LSP1: variants seen among roughly 807,000 people sequenced by gnomAD.
LSP1 encodes lymphocyte specific protein 1, also known as lymphocyte-specific protein 1.
In LSP1, 32 loss-of-function variants were observed where a neutral mutation model predicts 49.3. That is an observed-to-expected ratio of 0.65 (90% CI 0.49 to 0.87). LSP1 has a LOEUF of 0.87. Among genes scored for constraint, LSP1 ranks in the 40% least tolerant of loss-of-function variants. LSP1 has a pLI of 0.00. For missense variants in LSP1, 428 were observed against 442.6 expected (o/e 0.97, Z 0.30); for synonymous variants, 179 against 178.8 (o/e 1.00, Z -0.01).
At chr11:1,891,084 T>G in intron 10 of LSP1, 1 of 157,692 alleles carries the variant, frequency 6.3e-6, no homozygotes, top group Admixed American at 6.0e-5. Context: ...GCGCGTCCGC[T>G]GCGAGCCAGC....
intron 1 of LSP1, 57 bp downstream of exon 1, chr11:1,853,254 T>C (rs1847405921): frequency 1.3e-6 from 2 of 1,553,886 alleles, no homozygotes; most frequent in South Asian, 1.2e-5. Flanking sequence ...TGCATAGTCC[T>C]TGAGCTGCAT....
chr11:1,868,529 C>T (rs1589812511), intron 1 of LSP1: 5 of 468,432 alleles, frequency 1.1e-5, no homozygotes, highest in Non-Finnish European at 1.4e-5. Flanking sequence ...GCCAGTGGGG[C>T]AGGAATGGGC....
intron 1 of LSP1, among the ~76,000 whole-genome samples, chr11:1,861,741 T>G (rs1441397516): frequency 0.034 from 1,811 of 53,852 alleles, no homozygotes; most frequent in South Asian, 0.047. Flanking sequence ...ATGGATGGAT[T>G]GGTGGATGAG....
At chr11:1,870,635 T>C (rs992437071) in intron 1 of LSP1, 40 of 1,091,162 alleles carry the variant, frequency 3.7e-5, no homozygotes, top group Non-Finnish European at 4.5e-5. Context: ...TCCTTCTCTC[T>C]GGGTGCCGGC....
At position 1,878,473 on chromosome 11, in the gene LSP1, TCGGGGGCG is replaced by T. The variant is rs140845051; in HGVS notation, c.54-1607_54-1600del. Reference sequence around the variant, plus strand: ...TGAGGAGCAGGACAGGCAGGCGGATTCGGGGGCGCGGGGGGCGGGGTGCACAGGCGGCT... The same window carrying T: ...TGAGGAGCAGGACAGGCAGGCGGATTCGGGGGGCGGGGTGCACAGGCGGCT... On this transcript the variant is annotated intron_variant, in intron 1 of 10. Coordinates refer to ENST00000311604, the MANE Select transcript of LSP1 (RefSeq NM_002339.3). Among the ~76,000 whole-genome samples, 1,190 of 149,734 alleles carry T rather than the reference TCGGGGGCG, an allele frequency of 7.9e-3. 9 individuals are homozygous for T. The highest frequency in any genetic ancestry group is 0.013 in the Non-Finnish European group (882 of 67,142).
intron 2 of LSP1, 63 bp downstream of exon 2, chr11:1,880,287 C>A: frequency 6.8e-7 from 1 of 1,465,264 alleles, no homozygotes; most frequent in Admixed American, 2.6e-5. Flanking sequence ...GGGGCCTGGG[C>A]AGAGGGGGAG....
intron 10 of LSP1, chr11:1,889,548 T>C: frequency 1.6e-6 from 1 of 613,342 alleles, no homozygotes; most frequent in South Asian, 1.9e-5. Flanking sequence ...CAGCAGCTGC[T>C]TCTTGAGCCA....
intron 1 of LSP1, among the ~76,000 whole-genome samples, chr11:1,858,228 G>T (rs532572250): frequency 1.3e-5 from 2 of 152,160 alleles, no homozygotes; most frequent in East Asian, 1.9e-4. Context: ...TGTGGGGTTC[G>T]GGTGCTGAGG....
chr11:1,853,120 C>A lies in LSP1; in HGVS notation c.-25C>A. ...ACCCACTCCAGGGATCTGCCAGCAC[C>A]CTGTGGGGCCCAGACTACAGGCTGA... On this transcript the variant is annotated 5_prime_UTR_variant, in exon 1 of 11. Coordinates refer to ENST00000311604, the MANE Select transcript of LSP1 (RefSeq NM_002339.3). 1 of 1,604,840 alleles carries A rather than the reference C, an allele frequency of 6.2e-7. No homozygotes were observed. Among genetic ancestry groups the A allele is most frequent in the Non-Finnish European group, 8.5e-7 (1 of 1,176,958 alleles).
At chr11:1,870,133 G>A (rs537425070) in intron 1 of LSP1, 12 of 543,980 alleles carry the variant, frequency 2.2e-5, no homozygotes, top group African/African-American at 2.1e-4. Flanking sequence ...TCTTTAAACG[G>A]GGATGTCTGG....
intron 1 of LSP1, chr11:1,865,077 A>AG: frequency 7.4e-6 from 3 of 406,778 alleles, no homozygotes; most frequent in South Asian, 9.6e-5. Context: ...AGCTGGGCAC[A>AG]GGGGGGCAGG....
chr11:1,859,828 C>T (rs1348928695), intron 1 of LSP1, among the ~76,000 whole-genome samples: 1 of 151,956 alleles, frequency 6.6e-6, no homozygotes, highest in Non-Finnish European at 1.5e-5. Context: ...ATGCATGCTG[C>T]AAGCATTTGG....
At chr11:1,853,344 G>T in intron 1 of LSP1, 147 bp downstream of exon 1, 1 of 805,484 alleles carries the variant, frequency 1.2e-6, no homozygotes, top group Admixed American at 2.9e-5. Context: ...GGGGAAACTG[G>T]GGACCCACAG....
chr11:1,884,066 G>C lies in LSP1; in HGVS notation c.591+42G>C, dbSNP rs200511773. The C allele has an allele frequency of 3.8e-6, 6 of 1,568,738 alleles. No individual in the cohort carries two copies. The highest frequency in any genetic ancestry group is 1.8e-5 in the Admixed American group (1 of 55,152). On this transcript the variant is annotated intron_variant, in intron 5 of 10. Transcript: ENST00000311604. The surrounding 1 kb of genome is among the most constrained non-coding windows in gnomAD (Gnocchi z 4.1). ...AGCCTGCCATCTTCTCCCCTCTCCC[G>C]TACTCATACCCAAAAGGCCAATCCC...
At chr11:1,886,971 G>A in intron 8 of LSP1, 105 bp downstream of exon 8, 3 of 1,400,382 alleles carry the variant, frequency 2.1e-6, no homozygotes, top group Non-Finnish European at 2.9e-6. Flanking sequence ...TGTCCAGGAT[G>A]AATGTGGGTA....
At chr11:1,864,735 G>C (rs1847731175) in intron 1 of LSP1, among the ~76,000 whole-genome samples, 1 of 151,984 alleles carries the variant, frequency 6.6e-6, no homozygotes, top group African/African-American at 2.4e-5. Flanking sequence ...GACCCACAGG[G>C]ATGGGGACAC....
At chr11:1,858,466 A>G (rs1224366722) in intron 1 of LSP1, among the ~76,000 whole-genome samples, 1 of 152,224 alleles carries the variant, frequency 6.6e-6, no homozygotes, top group Non-Finnish European at 1.5e-5. Context: ...CCTCCAGCCC[A>G]GCCCCGCCCA....
At chr11:1,866,796 AG>A in intron 1 of LSP1, 3 of 1,550,364 alleles carry the variant, frequency 1.9e-6, no homozygotes, top group Non-Finnish European at 2.6e-6. Context: ...AAGGAAGTGC[AG>A]CCCCCGGAGG....
In LSP1 at chr11:1,881,975, G is replaced by A. The variant is rs550456493; in HGVS notation, c.356+379G>A. On this transcript the variant is annotated intron_variant, in intron 3 of 10. Coordinates refer to ENST00000311604, the MANE Select transcript of LSP1 (RefSeq NM_002339.3). ...TGCTGCCACATCAGCACACAGCTGCGGCCGCTTCCGTAATGGAGGCTGAGA... is the reference window on the plus strand; with the variant it reads ...TGCTGCCACATCAGCACACAGCTGCAGCCGCTTCCGTAATGGAGGCTGAGA... Among the ~76,000 whole-genome samples the A allele has an allele frequency of 9.2e-5, 14 of 152,318 alleles. No individual in the cohort carries two copies. The East Asian group carries it at 2.1e-3, about 23-fold the overall frequency.
Sources: gnomAD v4.1 joint callset for allele counts (sites outside exome capture counted in the v4.1 genomes callset) on GRCh38, gnomAD v4.1.1 for gene constraint, Gnocchi (gnomAD v3.1) non-coding constraint, MANE v1.5 for transcripts, NCBI Gene and HGNC (gene_info 2026-07-23, HGNC 2026-07-21) for gene names.